The following TSHZ2 variants were observed in gnomAD, a reference collection of about 807,000 sequenced individuals.
TSHZ2 encodes teashirt homolog 2.
In TSHZ2, 21 loss-of-function variants were observed where a neutral mutation model predicts 74.4. The ratio of observed to expected loss-of-function variants is 0.28; its 90% CI spans 0.20 to 0.41. TSHZ2 has a LOEUF of 0.41. Among genes scored for constraint, TSHZ2 ranks in the 10% least tolerant of loss-of-function variants. The pLI is 1.00. For synonymous variants in TSHZ2, 540 were observed against 515.3 expected, an observed-to-expected ratio of 1.05 and a Z score of -0.65; for missense variants, 1,244 against 1,293.5, an observed-to-expected ratio of 0.96 and a Z score of 0.59.
intron 1 of TSHZ2, among the ~76,000 whole-genome samples, chr20:53,241,550 C>T (rs916451695): frequency 6.6e-6 from 1 of 151,948 alleles, no homozygotes; most frequent in Non-Finnish European, 1.5e-5. Context: ...ATGTTAGGAG[C>T]CTGATGAACA....
At chr20:52,994,566 C>T (rs1439420389) in intron 1 of TSHZ2, among the ~76,000 whole-genome samples, 3 of 152,108 alleles carry the variant, frequency 2.0e-5, no homozygotes, top group African/African-American at 7.2e-5. Flanking sequence ...GATTTCTGCC[C>T]GGATTTTATC....
At chr20:52,991,222 ATGTTGTGGG>A in intron 1 of TSHZ2, among the ~76,000 whole-genome samples, 1 of 147,606 alleles carries the variant, frequency 6.8e-6, no homozygotes, top group African/African-American at 2.5e-5. Context: ...TGGATTATGT[ATGTTGTGGG>A]TATTAGTGTG....
chr20:53,437,904 TA>T (rs1384274929), intron 2 of TSHZ2, among the ~76,000 whole-genome samples: 1 of 152,136 alleles, frequency 6.6e-6, no homozygotes, highest in Non-Finnish European at 1.5e-5. Flanking sequence ...CTGCAGTGAG[TA>T]AAAGCTTCCT....
intron 2 of TSHZ2, among the ~76,000 whole-genome samples, chr20:53,390,085 T>C (rs560921865): frequency 8.0e-4 from 122 of 152,198 alleles, no homozygotes; most frequent in Non-Finnish European, 1.1e-3. Context: ...AGAGCGACTT[T>C]AGGGAGAAAT....
intron 2 of TSHZ2, among the ~76,000 whole-genome samples, chr20:53,413,244 G>A (rs1488976828): frequency 1.3e-5 from 2 of 152,220 alleles, no homozygotes; most frequent in Non-Finnish European, 2.9e-5. Context: ...GGCAAGGCGC[G>A]GAAGTGAGGG....
At chr20:53,447,650 T>C (rs6022483) in intron 2 of TSHZ2, among the ~76,000 whole-genome samples, 25,288 of 152,200 alleles carry the variant, frequency 0.17, 2,243 homozygotes, top group East Asian at 0.32. Flanking sequence ...TGTCCCTCAA[T>C]CATTCCATGT....
chr20:53,022,382 A>G (rs1174843796), intron 1 of TSHZ2, among the ~76,000 whole-genome samples: 1 of 152,168 alleles, frequency 6.6e-6, no homozygotes, highest in Non-Finnish European at 1.5e-5. Context: ...CTTCAAATTT[A>G]CAGTGTCAAC....
chr20:53,350,983 G>A (rs1458998277), intron 2 of TSHZ2, among the ~76,000 whole-genome samples: 1 of 152,178 alleles, frequency 6.6e-6, no homozygotes, highest in East Asian at 1.9e-4. Flanking sequence ...AGGGAACAAA[G>A]CTTTTATGAA....
chr20:53,437,375 A>G (rs1984126348), intron 2 of TSHZ2, among the ~76,000 whole-genome samples: 1 of 152,158 alleles, frequency 6.6e-6, no homozygotes, highest in Admixed American at 6.6e-5. Flanking sequence ...CTGGAGGCTG[A>G]GCCAGGAGAA....
intron 1 of TSHZ2, among the ~76,000 whole-genome samples, chr20:53,111,772 A>T (rs1447026842): frequency 6.6e-6 from 1 of 152,172 alleles, no homozygotes; most frequent in East Asian, 1.9e-4. Context: ...CAGACCCCAG[A>T]TCGAGCCAGG....
chr20:53,479,994 TTGGGAGGACG>T (rs921983785), intron 2 of TSHZ2, among the ~76,000 whole-genome samples: 1 of 152,038 alleles, frequency 6.6e-6, no homozygotes, highest in Admixed American at 6.6e-5. Flanking sequence ...TCCCAATACT[TTGGGAGGACG>T]AGGCGGGAGG....
chr20:52,987,430 T>C (rs1274623781), intron 1 of TSHZ2, among the ~76,000 whole-genome samples: 1 of 151,870 alleles, frequency 6.6e-6, no homozygotes, highest in African/African-American at 2.4e-5. Flanking sequence ...TTTATATAAG[T>C]TCCCTTTTTT....
intron 1 of TSHZ2, among the ~76,000 whole-genome samples, chr20:53,002,915 T>C (rs1982492546): frequency 6.6e-6 from 1 of 152,188 alleles, no homozygotes; most frequent in Non-Finnish European, 1.5e-5. Flanking sequence ...CCAGGGCCTA[T>C]TGATTATGAG....
rs144171692 is a variant in TSHZ2 at position 53,340,121 on chromosome 20, G to T, written c.*8+83550G>T. On this transcript the variant is annotated intron_variant, in intron 2 of 2. Transcript: ENST00000371497. ...GAAGCAATAAATGCCAATGCCTGGT[G>T]GGGGGAAGAGCAGCCAATGCAGGAA... Among the ~76,000 whole-genome samples, 1,337 of 151,908 alleles carry T rather than the reference G, an allele frequency of 8.8e-3. 20 individuals carry two copies. Among genetic ancestry groups the T allele is most frequent in the African/African-American group, 0.031 (1,270 of 41,412 alleles).
At chr20:53,319,340 A>G (rs1979156440) in intron 2 of TSHZ2, among the ~76,000 whole-genome samples, 1 of 152,248 alleles carries the variant, frequency 6.6e-6, no homozygotes, top group Admixed American at 6.5e-5. Context: ...TACTTTGTAT[A>G]TGCATTAAAT....
Position 53,254,865 on chromosome 20 carries a change from A to G in TSHZ2, c.1407A>G (p.Pro469=). ...ELKKESKKER[P]EETSKDEKVV... ...AGAAAGAGAGTAAAAAAGAAAGGCC[A>G]GAGGAAACCAGCAAGGATGAGAAAG... The change falls in exon 2 of 3, where the codon CCA becomes CCG. Residue 469 remains proline, a synonymous_variant. Coordinates refer to ENST00000371497, the MANE Select transcript of TSHZ2 (RefSeq NM_173485.6). The G allele has an allele frequency of 6.2e-7, 1 of 1,614,222 alleles. No individual in the cohort carries two copies. Among genetic ancestry groups the G allele is most frequent in the Non-Finnish European group, 8.5e-7 (1 of 1,180,048 alleles).
intron 1 of TSHZ2, among the ~76,000 whole-genome samples, chr20:53,214,643 G>A (rs950739548): frequency 2.0e-5 from 3 of 152,138 alleles, no homozygotes; most frequent in African/African-American, 7.2e-5. Flanking sequence ...AACCCGGGAG[G>A]TGGAGGCCGA....
At chr20:53,283,072 T>A (rs1274095766) in intron 2 of TSHZ2, among the ~76,000 whole-genome samples, 1 of 152,216 alleles carries the variant, frequency 6.6e-6, no homozygotes, top group Non-Finnish European at 1.5e-5. Flanking sequence ...ATGACAATCA[T>A]AATTAACATG....
At chr20:53,370,186 T>C (rs1173654781) in intron 2 of TSHZ2, among the ~76,000 whole-genome samples, 1 of 152,204 alleles carries the variant, frequency 6.6e-6, no homozygotes, top group South Asian at 2.1e-4. Context: ...GTCTCTAAAA[T>C]TCAGAGAGCA....
Sources: allele counts gnomAD v4.1 joint callset (sites outside exome capture counted in the v4.1 genomes callset), GRCh38; gene constraint gnomAD v4.1.1; transcripts MANE v1.5; gene names NCBI Gene and HGNC (gene_info 2026-07-23, HGNC 2026-07-21).